KIAA1755: variants seen among roughly 807,000 people sequenced by gnomAD.
The protein encoded by KIAA1755 is uncharacterized protein KIAA1755.
In KIAA1755, 68 loss-of-function variants were observed where a neutral mutation model predicts 91.7. The ratio of observed to expected loss-of-function variants is 0.74; its 90% CI spans 0.61 to 0.91. KIAA1755 has a LOEUF of 0.91. Among genes scored for constraint, KIAA1755 ranks in the 40% least tolerant of loss-of-function variants. The pLI is 0.00. For synonymous variants in KIAA1755, 610 were observed against 604.6 expected, an observed-to-expected ratio of 1.01 and a Z score of -0.13; for missense variants, 1,535 against 1,494.4, an observed-to-expected ratio of 1.03 and a Z score of -0.45.
intron 2 of KIAA1755, among the ~76,000 whole-genome samples, chr20:38,242,808 G>C (rs2076091837): frequency 6.6e-6 from 1 of 151,938 alleles, no homozygotes; most frequent in African/African-American, 2.4e-5. Context: ...TTATTTGTTT[G>C]TTTATTTATT....
At position 38,213,382 on chromosome 20, in the gene KIAA1755, C is replaced by A. The variant is rs1191064440; in HGVS notation, c.3263G>T (p.Gly1088Val). 3 of 1,603,356 alleles carry A rather than the reference C, an allele frequency of 1.9e-6. No individual in the cohort carries two copies. Among genetic ancestry groups the A allele is most frequent in the Admixed American group, 1.7e-5 (1 of 58,412 alleles). Reference protein sequence around the residue: ...QGVSVEVTSKGRWDQPPLDSL... With the variant: ...QGVSVEVTSKVRWDQPPLDSL... ...GTCTAGTGGAGGCTGATCCCACCTCCCCTTGGAAGTGACCTCTACACTCAC... is the reference window on the plus strand; with the variant it reads ...GTCTAGTGGAGGCTGATCCCACCTCACCTTGGAAGTGACCTCTACACTCAC... The change falls in exon 14 of 14, where the codon GGG becomes GTG. Residue 1088 changes from glycine to valine, a missense_variant. Gly to Val is a moderately radical substitution (Grantham distance 109). Coordinates refer to ENST00000279024, the MANE Select transcript of KIAA1755 (RefSeq NM_001029864.2).
rs2075678704 is a variant in KIAA1755 at position 38,222,539 on chromosome 20, G to A, written c.2327C>T (p.Pro776Leu). 2.5e-6 allele frequency: 4 copies of A among 1,613,432 alleles called. No individual in the cohort carries two copies. The highest frequency in any genetic ancestry group is 1.1e-5 in the South Asian group (1 of 91,088). ...KELMEAVLRDPGLLGLQREGG... is the reference protein window; with the variant it reads ...KELMEAVLRDLGLLGLQREGG... Reference sequence around the variant, plus strand: ...TTCCCGCTGGAGGCCCAGTAGGCCGGGGTCCCTCAGCACAGCCTCCATCAG... The same window carrying A: ...TTCCCGCTGGAGGCCCAGTAGGCCGAGGTCCCTCAGCACAGCCTCCATCAG... The change falls in exon 10 of 14, where the codon CCC (proline) becomes CTC (leucine). Residue 776 changes from proline to leucine, a missense_variant. Coordinates refer to ENST00000279024, the MANE Select transcript of KIAA1755 (RefSeq NM_001029864.2).
chr20:38,217,689 G>GA, intron 12 of KIAA1755: 2 of 590,630 alleles, frequency 3.4e-6, no homozygotes, highest in Non-Finnish European at 6.0e-6. Flanking sequence ...CACGCTTCTG[G>GA]AAGTCTCCAG....
rs905838375 is a variant in KIAA1755 at position 38,219,224 on chromosome 20, C to T, written c.2556+406G>A. ...CACCGGCAGTCAGATGAAGCCACACCAGGTGCAGGTTCCAGAATCAGACCC... is the reference window on the plus strand; with the variant it reads ...CACCGGCAGTCAGATGAAGCCACACTAGGTGCAGGTTCCAGAATCAGACCC... On this transcript the variant is annotated intron_variant, in intron 11 of 13. Transcript: ENST00000279024. Among the ~76,000 whole-genome samples the T allele has an allele frequency of 2.6e-5, 4 of 152,160 alleles. No individual in the cohort carries two copies. The East Asian group carries it at 7.7e-4, about 29-fold the overall frequency.
chr20:38,234,086 G>C (rs1035695022), intron 4 of KIAA1755, among the ~76,000 whole-genome samples: 7 of 152,132 alleles, frequency 4.6e-5, no homozygotes, highest in African/African-American at 1.7e-4. Context: ...CCAACACCTT[G>C]ATCTTGGACT....
chr20:38,247,817 G>A (rs2123287623), intron 1 of KIAA1755, among the ~76,000 whole-genome samples: 1 of 152,330 alleles, frequency 6.6e-6, no homozygotes, highest in African/African-American at 2.4e-5. Context: ...GGCCAGGGGT[G>A]GTGGCTCACA....
At chr20:38,235,136 G>A (rs2075938077) in intron 4 of KIAA1755, among the ~76,000 whole-genome samples, 1 of 152,178 alleles carries the variant, frequency 6.6e-6, no homozygotes, top group South Asian at 2.1e-4. Context: ...CAAAACGAGT[G>A]TGAATGTATT....
chr20:38,260,596 C>A lies in KIAA1755; in HGVS notation c.-96G>T. 1 of 1,431,360 alleles carries A rather than the reference C, an allele frequency of 7.0e-7. No individual in the cohort carries two copies. Among genetic ancestry groups the A allele is most frequent in the South Asian group, 1.6e-5 (1 of 63,350 alleles). 88.7% of individuals were successfully genotyped at this position (1,431,360 alleles called of 1,614,324 possible). ...GTCTGTCTGGGGCAGCCCTCGGTCC[C>A]GCCTAGCCCTGGAGCCAGGGGATAG... On this transcript the variant is annotated 5_prime_UTR_variant, in exon 1 of 14. Coordinates refer to ENST00000279024, the MANE Select transcript of KIAA1755 (RefSeq NM_001029864.2).
chr20:38,225,378 TGAG>T (rs932236423), intron 8 of KIAA1755, among the ~76,000 whole-genome samples: 8 of 152,090 alleles, frequency 5.3e-5, no homozygotes, highest in African/African-American at 1.9e-4. Context: ...AAAAACCCCA[TGAG>T]GAGGTACTAT....
rs569990901 is a variant in KIAA1755, at chr20:38,222,519, G to T, written c.2347C>A (p.Arg783=). ...CTGGCCAGGGTGGCTCCACCTTCCCGCTGGAGGCCCAGTAGGCCGGGGTCC... is the reference window on the plus strand; with the variant it reads ...CTGGCCAGGGTGGCTCCACCTTCCCTCTGGAGGCCCAGTAGGCCGGGGTCC... ...LRDPGLLGLQ[R]EGGATLARLQ... is the part of the protein sequence containing the mutation. The change falls in exon 10 of 14, where the codon CGG becomes AGG. Residue 783 remains arginine, a synonymous_variant. Transcript: ENST00000279024. 90 of 1,613,616 alleles carry T rather than the reference G, an allele frequency of 5.6e-5. 1 individual carries two copies. The South Asian group carries it at 9.3e-4, about 17-fold the overall frequency.
chr20:38,227,124 C>T (rs773949833), intron 7 of KIAA1755, 30 bp downstream of exon 7: 3 of 1,579,866 alleles, frequency 1.9e-6, no homozygotes, highest in Non-Finnish European at 1.7e-6. Flanking sequence ...CAACTCCCTT[C>T]CTCAACCGCC....
intron 9 of KIAA1755, 179 bp from the exon 10 acceptor site, chr20:38,222,776 C>A: frequency 1.5e-6 from 1 of 677,184 alleles, no homozygotes; most frequent in Non-Finnish European, 2.6e-6. Flanking sequence ...GTCACCACGG[C>A]AACCTCATTG....
At chr20:38,232,231 G>A (rs1464487581) in intron 4 of KIAA1755, among the ~76,000 whole-genome samples, 3 of 152,132 alleles carry the variant, frequency 2.0e-5, no homozygotes, top group Admixed American at 6.5e-5. Context: ...CGAAGCCTTG[G>A]ACAAACCTAA....
rs1417173403 is a variant in KIAA1755, at chr20:38,223,863, T to C, written c.2170-227A>G. Among the ~76,000 whole-genome samples, 3 of 152,198 alleles carry C rather than the reference T, an allele frequency of 2.0e-5. No homozygotes were observed. The East Asian group carries it at 5.8e-4, about 29-fold the overall frequency. ...TGGTAGAAAGTGCATTTCTAACAAG[T>C]TCCCAGGTGTTGCTGATGCTGCTGG... On this transcript the variant is annotated intron_variant, in intron 8 of 13. Coordinates refer to ENST00000279024, the MANE Select transcript of KIAA1755 (RefSeq NM_001029864.2).
At chr20:38,257,579 T>TAAA (rs1219977631) in intron 1 of KIAA1755, among the ~76,000 whole-genome samples, 7 of 90,162 alleles carry the variant, frequency 7.8e-5, no homozygotes, top group African/African-American at 1.6e-4. Flanking sequence ...AGACTCCATC[T>TAAA]AAAAAAAAAA....
intron 1 of KIAA1755, among the ~76,000 whole-genome samples, chr20:38,252,319 C>T (rs2076264209): frequency 6.6e-6 from 1 of 152,212 alleles, no homozygotes; most frequent in Admixed American, 6.5e-5. Flanking sequence ...CCCCCATCTC[C>T]TGGTCCCTCC....
intron 4 of KIAA1755, chr20:38,233,564 C>T (rs1400573834): frequency 6.6e-6 from 1 of 152,124 alleles, no homozygotes; most frequent in Non-Finnish European, 1.5e-5. Context: ...CCCCCATGGG[C>T]TCAGGTACCC....
At chr20:38,230,460 G>A (rs1254424126) in intron 5 of KIAA1755, among the ~76,000 whole-genome samples, 1 of 152,170 alleles carries the variant, frequency 6.6e-6, no homozygotes, top group Non-Finnish European at 1.5e-5. Context: ...CCCAGCACCT[G>A]TTATCACCGG....
chr20:38,223,749 G>A (rs2075704955), intron 8 of KIAA1755, 113 bp from the exon 9 acceptor site: 1 of 716,900 alleles, frequency 1.4e-6, no homozygotes, highest in African/African-American at 1.9e-5. Flanking sequence ...CCAACTCCAG[G>A]TGCATCAGAA....
Sources: gnomAD v4.1 joint callset for allele counts (sites outside exome capture counted in the v4.1 genomes callset) on GRCh38, gnomAD v4.1.1 for gene constraint, MANE v1.5 for transcripts, NCBI Gene and HGNC (gene_info 2026-07-23, HGNC 2026-07-21) for gene names.